Variants in PLCB4 observed in about 807,000 individuals in gnomAD.
The protein encoded by PLCB4 is phospholipase C beta 4.
In PLCB4, 77 loss-of-function variants were observed where a neutral mutation model predicts 178.8. That is an observed-to-expected ratio of 0.43 (90% confidence interval 0.36 to 0.52). The LOEUF (loss-of-function observed/expected upper bound fraction) is 0.52. Among genes scored for constraint, PLCB4 ranks in the 20% least tolerant of loss-of-function variants. The pLI is 0.00. For synonymous variants in PLCB4, 496 were observed against 490.8 expected, an observed-to-expected ratio of 1.01 and a Z score of -0.14; for missense variants, 1,024 against 1,453.4, an observed-to-expected ratio of 0.70 and a Z score of 4.80.
intron 35 of PLCB4, 89 bp downstream of exon 35, chr20:9,459,899 G>T: frequency 1.2e-6 from 1 of 805,266 alleles, no homozygotes; most frequent in Admixed American, 2.5e-5. Context: ...GGTAATAAGT[G>T]AAATCAATTT....
At chr20:9,400,700 T>G (rs2038957508) in intron 19 of PLCB4, among the ~76,000 whole-genome samples, 1 of 152,208 alleles carries the variant, frequency 6.6e-6, no homozygotes, top group Non-Finnish European at 1.5e-5. Flanking sequence ...AAATAGTGAT[T>G]GTGTGAATCC....
rs761124341 is a variant in PLCB4, at chr20:9,468,564, T to A, written c.3249-7T>A. ...TCCCTGTTTGTTTTCTTGTTTTTAA[T>A]ACATAGGGAAAGCAAGGAAATGCGA... On this transcript the variant is annotated splice_region_variant and splice_polypyrimidine_tract_variant and intron_variant, in intron 35 of 39. Transcript: ENST00000378473. The A allele has an allele frequency of 6.4e-7, 1 of 1,569,106 alleles. No homozygotes were observed. Among genetic ancestry groups the A allele is most frequent in the Non-Finnish European group, 8.8e-7 (1 of 1,139,584 alleles).
intron 3 of PLCB4, among the ~76,000 whole-genome samples, chr20:9,300,408 A>C (rs1694547324): frequency 6.6e-6 from 1 of 152,188 alleles, no homozygotes; most frequent in South Asian, 2.1e-4. Context: ...GTCATGGTGC[A>C]TTTATTCACT....
intron 2 of PLCB4, among the ~76,000 whole-genome samples, chr20:9,160,448 A>G (rs2092868613): frequency 6.6e-6 from 1 of 152,202 alleles, no homozygotes; most frequent in African/African-American, 2.4e-5. Context: ...AAATGAACGC[A>G]CAGAGTTAAA....
chr20:9,248,844 A>G (rs1196409299), intron 3 of PLCB4, among the ~76,000 whole-genome samples: 1 of 150,614 alleles, frequency 6.6e-6, no homozygotes, highest in Non-Finnish European at 1.5e-5. Flanking sequence ...GACTTAAAAC[A>G]ACACAAGTTT....
chr20:9,215,004 G>T (rs138745655), intron 2 of PLCB4, among the ~76,000 whole-genome samples: 1,701 of 152,210 alleles, frequency 0.011, 14 homozygotes, highest in Non-Finnish European at 0.016. Flanking sequence ...GGCAGCAAGT[G>T]GTTTCTCAAA....
chr20:9,285,235 T>TATTTTAACC (rs1473641798), intron 3 of PLCB4, among the ~76,000 whole-genome samples: 2 of 151,948 alleles, frequency 1.3e-5, no homozygotes, highest in Non-Finnish European at 2.9e-5. Flanking sequence ...ATAATGGCAT[T>TATTTTAACC]ATTTTAACCA....
At chr20:9,119,518 G>GAAAAAAAAAAAAAA (rs11481752) in intron 2 of PLCB4, among the ~76,000 whole-genome samples, 1 of 131,604 alleles carries the variant, frequency 7.6e-6, no homozygotes. Context: ...AGAGAAAGGA[G>GAAAAAAAAAAAAAA]AAAAAAAAAA....
Position 9,213,128 on chromosome 20 carries a change from C to CTTTTTTTTTTTTT in PLCB4, c.-78-4244_-78-4232dup, listed in dbSNP as rs56785951. ...TGCTTGGCTTCTCTCCGTTAGCATA[C>CTTTTTTTTTTTTT]TTTTTTTTTTTTTTTTTTTTTTTTT... On this transcript the variant is annotated intron_variant, in intron 2 of 39. Transcript: ENST00000378473. Among the ~76,000 whole-genome samples, 17 of 35,726 alleles carry CTTTTTTTTTTTTT rather than the reference C, an allele frequency of 4.8e-4. 1 individual carries two copies. Among genetic ancestry groups the CTTTTTTTTTTTTT allele is most frequent in the African/African-American group, 1.6e-3 (13 of 8,120 alleles). 23.4% of individuals were successfully genotyped at this position (35,726 alleles called of 152,430 possible). A position where few individuals can be genotyped will look rare whatever the true frequency, so the allele number is the denominator to read the frequency against.
At chr20:9,259,317 G>T (rs1357167055) in intron 3 of PLCB4, among the ~76,000 whole-genome samples, 1 of 152,108 alleles carries the variant, frequency 6.6e-6, no homozygotes. Flanking sequence ...TTTTCATATT[G>T]TAAATGTTAT....
At chr20:9,159,316 C>T (rs1482393724) in intron 2 of PLCB4, among the ~76,000 whole-genome samples, 5 of 152,144 alleles carry the variant, frequency 3.3e-5, no homozygotes, top group Non-Finnish European at 7.4e-5. Flanking sequence ...TTCTCAAGTA[C>T]ATGTTGGAGA....
intron 28 of PLCB4, among the ~76,000 whole-genome samples, chr20:9,433,746 T>C (rs750328892): frequency 1.4e-4 from 21 of 152,326 alleles, no homozygotes; most frequent in South Asian, 1.2e-3. Flanking sequence ...GAATATTAAC[T>C]TGCCAAAAAT....
chr20:9,227,441 C>T (rs1032574745), intron 3 of PLCB4, among the ~76,000 whole-genome samples: 23 of 151,952 alleles, frequency 1.5e-4, no homozygotes, highest in African/African-American at 5.6e-4. Context: ...CCTGTGTTTT[C>T]TTCTATCAGT....
intron 3 of PLCB4, among the ~76,000 whole-genome samples, chr20:9,303,112 G>T (rs964486745): frequency 1.3e-5 from 2 of 152,006 alleles, no homozygotes; most frequent in Admixed American, 6.6e-5. Context: ...TATTAAGGGG[G>T]GTCTGTGGGT....
rs1250979602 is a variant in PLCB4 at position 9,435,605 on chromosome 20, C to T, written c.2570C>T (p.Thr857Ile). The T allele has an allele frequency of 6.2e-7, 1 of 1,609,538 alleles. No individual in the cohort carries two copies. The highest frequency in any genetic ancestry group is 1.7e-5 in the Admixed American group (1 of 59,892). ...LSDPKKFLSI[T>I]EKRADQMRAM... ...GATCCAAAGAAATTTCTCTCAATTA[C>T]AGAAAAGAGAGCAGACCAAATGAGA... Residue 857 changes from threonine (T) to isoleucine (I), a missense_variant, in exon 29 of 40, where the codon ACA becomes ATA. Thr to Ile is a moderately conservative substitution (Grantham distance 89, BLOSUM62 -1). Around this residue, in one of 7 missense-constraint regions of PLCB4, gnomAD observed 227 missense variants for 374.3 expected, o/e 0.61. Coordinates refer to ENST00000378473, the MANE Select transcript of PLCB4 (RefSeq NM_001377142.1).
At chr20:9,189,739 A>C (rs2093375876) in intron 2 of PLCB4, among the ~76,000 whole-genome samples, 1 of 152,202 alleles carries the variant, frequency 6.6e-6, no homozygotes, top group African/African-American at 2.4e-5. Context: ...TCTCTGCTTC[A>C]TGATGATGCC....
At position 9,341,283 on chromosome 20, in the gene PLCB4, T is replaced by A. The variant is rs558548579; in HGVS notation, c.369+2246T>A. Among the ~76,000 whole-genome samples, 133 of 152,260 alleles carry A rather than the reference T, an allele frequency of 8.7e-4. No homozygotes were observed. In the Middle Eastern group the frequency reaches 0.01, roughly 12 times the overall value. ...CCTTGAACAATGTGGGGGTTAGAGCTACCATACCCCTGTGCAGTCGAAAAT... is the reference window on the plus strand; with the variant it reads ...CCTTGAACAATGTGGGGGTTAGAGCAACCATACCCCTGTGCAGTCGAAAAT... On this transcript the variant is annotated intron_variant, in intron 7 of 39. Coordinates refer to ENST00000378473, the MANE Select transcript of PLCB4 (RefSeq NM_001377142.1).
chr20:9,416,303 A>G (rs2040241273), intron 25 of PLCB4, among the ~76,000 whole-genome samples: 1 of 152,112 alleles, frequency 6.6e-6, no homozygotes, highest in Non-Finnish European at 1.5e-5. Context: ...AGGGCTCTTG[A>G]TCTTTAACAA....
chr20:9,419,157 T>G (rs1049835280), intron 25 of PLCB4, among the ~76,000 whole-genome samples: 3 of 152,144 alleles, frequency 2.0e-5, no homozygotes, highest in African/African-American at 4.8e-5. Flanking sequence ...TTTAATTTGT[T>G]TTCTTGCCTG....
Sources: allele counts gnomAD v4.1 joint callset (sites outside exome capture counted in the v4.1 genomes callset), GRCh38; gene constraint gnomAD v4.1.1; regional missense constraint gnomAD v4.1.1; transcripts MANE v1.5; gene names NCBI Gene and HGNC (gene_info 2026-07-23, HGNC 2026-07-21).